DAB1: variants seen among roughly 807,000 people sequenced by gnomAD.
The protein encoded by DAB1 is DAB adaptor protein 1, also known as disabled homolog 1.
Under a neutral mutation model 64.6 loss-of-function variants are expected in DAB1, and 15 were observed. The ratio of observed to expected loss-of-function variants is 0.23; its 90% CI spans 0.16 to 0.36. DAB1 has a LOEUF of 0.36. Ranked by LOEUF, DAB1 falls within the 10% of genes least tolerant of loss-of-function variation. The probability of loss-of-function intolerance (pLI) is 1.00; values close to 1 mark genes in which losing one functional copy is unlikely to be tolerated. For missense variants in DAB1, 596 were observed against 706.7 expected, an observed-to-expected ratio of 0.84 and a Z score of 1.78; for synonymous variants, 235 against 251.9, an observed-to-expected ratio of 0.93 and a Z score of 0.64.
intron 1 of DAB1, among the ~76,000 whole-genome samples, chr1:57,423,414 G>A (rs1685084372): frequency 6.6e-6 from 1 of 152,060 alleles, no homozygotes; most frequent in Non-Finnish European, 1.5e-5. Context: ...TTTTTCGAGA[G>A]GTCGAAGCCG....
chr1:57,010,759 T>A lies in DAB1; in HGVS notation c.1604A>T (p.Asp535Val). The A allele has an allele frequency of 6.3e-7, 1 of 1,597,178 alleles. No homozygotes were observed. The highest frequency in any genetic ancestry group is 8.6e-7 in the Non-Finnish European group (1 of 1,169,278). The change falls in exon 14 of 15, where the codon GAT becomes GTT. Residue 535 changes from aspartate to valine, a missense_variant. Asp to Val is a radical substitution (Grantham distance 152, BLOSUM62 -3). Around this residue, in one of 3 missense-constraint regions of DAB1, gnomAD observed 377 missense variants for 400.4 expected, o/e 0.94. Transcript: ENST00000371236. ...CTCCCCACTGGGCTCACCAAATGGA[T>A]CACTGTTGGATGAGGCCTGTGATCC... is the stretch of plus-strand genomic sequence containing the variant. ...PDGSQASSNS[D>V]PFGEPSGEPS...
chr1:57,845,582 A>C (rs1431193817), intron 1 of DAB1, among the ~76,000 whole-genome samples: 1 of 152,194 alleles, frequency 6.6e-6, no homozygotes, highest in African/African-American at 2.4e-5. Flanking sequence ...TCAGTTTTTG[A>C]TATCTGTATA....
intron 4 of DAB1, among the ~76,000 whole-genome samples, chr1:58,341,876 C>T (rs1460646344): frequency 6.6e-6 from 1 of 152,140 alleles, no homozygotes; most frequent in African/African-American, 2.4e-5. Context: ...ACAGTGTTTA[C>T]CTCTGTCCTG....
intron 4 of DAB1, among the ~76,000 whole-genome samples, chr1:58,177,945 C>T (rs1475368460): frequency 1.3e-5 from 2 of 152,204 alleles, no homozygotes; most frequent in African/African-American, 4.8e-5. Flanking sequence ...CTCTGAGCCT[C>T]TATTTTTTCA....
At chr1:57,872,149 TAATA>T (rs1643962776) in intron 1 of DAB1, among the ~76,000 whole-genome samples, 1 of 152,208 alleles carries the variant, frequency 6.6e-6, no homozygotes, top group Non-Finnish European at 1.5e-5. Context: ...TTATTATTAT[TAATA>T]GTTAAATACT....
chr1:58,277,627 T>TC (rs1159071842), intron 4 of DAB1, among the ~76,000 whole-genome samples: 1 of 152,186 alleles, frequency 6.6e-6, no homozygotes, highest in African/African-American at 2.4e-5. Flanking sequence ...CTCTGGGAAC[T>TC]CAGTCATGAA....
At chr1:58,226,651 A>G (rs1659499898) in intron 4 of DAB1, among the ~76,000 whole-genome samples, 2 of 152,238 alleles carry the variant, frequency 1.3e-5, no homozygotes, top group Non-Finnish European at 2.9e-5. Context: ...ACATTTATTG[A>G]ATGTTTGATT....
intron 7 of DAB1, among the ~76,000 whole-genome samples, chr1:57,576,802 A>G (rs1199863039): frequency 6.6e-6 from 1 of 152,230 alleles, no homozygotes; most frequent in African/African-American, 2.4e-5. Flanking sequence ...TGCTTTTCTG[A>G]GACGGGTGGA....
At chr1:58,311,199 G>C (rs1569630924) in intron 4 of DAB1, among the ~76,000 whole-genome samples, 1 of 152,094 alleles carries the variant, frequency 6.6e-6, no homozygotes, top group African/African-American at 2.4e-5. Context: ...CCTCTTAGTA[G>C]TTTTCCAACC....
intron 6 of DAB1, among the ~76,000 whole-genome samples, chr1:57,652,355 C>G (rs1646266761): frequency 2.0e-5 from 3 of 152,128 alleles, no homozygotes; most frequent in Non-Finnish European, 4.4e-5. Context: ...CAGCAAACAC[C>G]CATTGCTCTA....
intron 4 of DAB1, among the ~76,000 whole-genome samples, chr1:58,327,135 T>G (rs1213638): frequency 0.76 from 116,282 of 152,180 alleles, 45,352 homozygotes; most frequent in African/African-American, 0.92. Flanking sequence ...TTTGAATACA[T>G]CCTTAATAAT....
intron 6 of DAB1, among the ~76,000 whole-genome samples, chr1:57,815,542 T>C (rs1651817527): frequency 6.6e-6 from 1 of 152,196 alleles, no homozygotes; most frequent in African/African-American, 2.4e-5. Flanking sequence ...AATGCATTTG[T>C]TACTGTAAAT....
At chr1:58,090,059 G>C (rs1271730593) in intron 5 of DAB1, among the ~76,000 whole-genome samples, 1 of 152,192 alleles carries the variant, frequency 6.6e-6, no homozygotes, top group East Asian at 1.9e-4. Flanking sequence ...AGCCAGCCTT[G>C]TTTCTTCATC....
intron 7 of DAB1, among the ~76,000 whole-genome samples, chr1:57,509,771 C>T (rs1010981787): frequency 1.3e-5 from 2 of 152,160 alleles, no homozygotes; most frequent in South Asian, 2.1e-4. Flanking sequence ...TGCTCCCTTG[C>T]TAAGGACTTC....
chr1:58,428,415 C>T (rs1644840283), intron 3 of DAB1, among the ~76,000 whole-genome samples: 1 of 152,194 alleles, frequency 6.6e-6, no homozygotes. Flanking sequence ...AAACTCCTAA[C>T]ACAAACAACC....
intron 4 of DAB1, among the ~76,000 whole-genome samples, chr1:57,095,433 A>G (rs17115000): frequency 0.052 from 7,934 of 152,152 alleles, 708 homozygotes; most frequent in African/African-American, 0.18. Context: ...GGACTGGGAA[A>G]CTTTGCATAG....
chr1:58,226,206 C>G (rs1159453785), intron 4 of DAB1, among the ~76,000 whole-genome samples: 1 of 152,126 alleles, frequency 6.6e-6, no homozygotes, highest in Non-Finnish European at 1.5e-5. Context: ...TTTCCTCAGA[C>G]CCAGCTCAGT....
At chr1:58,415,275 C>T (rs899321414) in intron 3 of DAB1, 1 of 158,110 alleles carries the variant, frequency 6.3e-6, no homozygotes, top group Non-Finnish European at 1.4e-5. Context: ...CACTTCCCGC[C>T]TCCAGAACTG....
At chr1:57,280,533 T>G (rs937553881) in intron 2 of DAB1, among the ~76,000 whole-genome samples, 1 of 152,178 alleles carries the variant, frequency 6.6e-6, no homozygotes, top group African/African-American at 2.4e-5. Context: ...TCACAGCATA[T>G]CAAGGACTCA....
Sources: allele counts gnomAD v4.1 joint callset (sites outside exome capture counted in the v4.1 genomes callset), GRCh38; gene constraint gnomAD v4.1.1; regional missense constraint gnomAD v4.1.1; transcripts MANE v1.5; gene names NCBI Gene and HGNC (gene_info 2026-07-23, HGNC 2026-07-21).